CHRM5: variants seen among roughly 807,000 people sequenced by gnomAD.
CHRM5 encodes the protein cholinergic receptor muscarinic 5, also known as muscarinic acetylcholine receptor M5.
Under a neutral mutation model 39.0 loss-of-function variants are expected in CHRM5, and 18 were observed. The ratio of observed to expected loss-of-function variants is 0.46; its 90% CI spans 0.32 to 0.68. CHRM5 has a LOEUF of 0.68. CHRM5 is among the 30% of genes least tolerant of loss of function. CHRM5 has a pLI of 0.04. For synonymous variants in CHRM5, 241 were observed against 246.3 expected (o/e 0.98, Z 0.20); for missense variants, 515 against 651.1 (o/e 0.79, Z 2.28).
At position 34,044,658 on chromosome 15, in the gene CHRM5, C is replaced by T. The variant is rs191520898; in HGVS notation, c.-407-1882C>T. Reference sequence around the variant, plus strand: ...AACAGAAGGGGACCCACCTAGCCAACCCCATAGCCTGTGGCAGGAGTCGAC... The same window carrying T: ...AACAGAAGGGGACCCACCTAGCCAATCCCATAGCCTGTGGCAGGAGTCGAC... On this transcript the variant is annotated intron_variant, in intron 1 of 2. Transcript: ENST00000383263. Among the ~76,000 whole-genome samples the T allele has an allele frequency of 3.5e-3, 539 of 152,324 alleles. 5 individuals are homozygous for T. Among genetic ancestry groups the T allele is most frequent in the African/African-American group, 0.012 (503 of 41,562 alleles).
chr15:33,981,549 T>C (rs956284549), intron 1 of CHRM5, among the ~76,000 whole-genome samples: 5 of 152,188 alleles, frequency 3.3e-5, no homozygotes, highest in African/African-American at 1.2e-4. Context: ...GCTCATTTTC[T>C]ATACAATACA....
At chr15:34,062,554 C>CAAA (rs10632153) in intron 2 of CHRM5, 89 bp from the exon 3 acceptor site, 48,525 of 396,998 alleles carry the variant, frequency 0.12, 356 homozygotes, top group Non-Finnish European at 0.14. Context: ...GATTCTGTCT[C>CAAA]AAAAAAAAAA....
chr15:34,031,168 A>ATTTTTTTTTTTTTT (rs34414446), intron 1 of CHRM5, among the ~76,000 whole-genome samples: 4 of 67,598 alleles, frequency 5.9e-5, no homozygotes, highest in African/African-American at 6.0e-5. Context: ...GCTTAGGTTA[A>ATTTTTTTTTTTTTT]TTTTTTTTTT....
At chr15:33,985,931 T>C (rs1896427992) in intron 1 of CHRM5, among the ~76,000 whole-genome samples, 2 of 152,188 alleles carry the variant, frequency 1.3e-5, no homozygotes, top group Non-Finnish European at 2.9e-5. Context: ...AAGGGCAGAA[T>C]GCCAGAAAGC....
rs200355232 is a variant in CHRM5 at position 34,008,483 on chromosome 15, C to CTT, written c.-407-38035_-407-38034dup. Among the ~76,000 whole-genome samples, 232 of 119,202 alleles carry CTT rather than the reference C, an allele frequency of 1.9e-3. 1 individual carries two copies. Among genetic ancestry groups the CTT allele is most frequent in the African/African-American group, 8.0e-3 (183 of 22,916 alleles). The allele number at this position is 119,202 out of a possible 152,430, so 78.2% of individuals were successfully genotyped here. A position where few individuals can be genotyped will look rare whatever the true frequency, so the allele number is the denominator to read the frequency against. ...AAACTTCCCAAAGTTGATGAAAAAC[C>CTT]TTTTTTTTTTTTTTTTTTTTTTTGA... On this transcript the variant is annotated intron_variant, in intron 1 of 2. Coordinates refer to ENST00000383263, the MANE Select transcript of CHRM5 (RefSeq NM_012125.4).
At chr15:34,025,939 C>T (rs1898448981) in intron 1 of CHRM5, among the ~76,000 whole-genome samples, 1 of 152,164 alleles carries the variant, frequency 6.6e-6, no homozygotes, top group Non-Finnish European at 1.5e-5. Flanking sequence ...TTTTTATGTG[C>T]AGTCTTGCCT....
intron 1 of CHRM5, among the ~76,000 whole-genome samples, chr15:34,022,518 T>C (rs1398517381): frequency 2.0e-5 from 3 of 152,136 alleles, no homozygotes; most frequent in Non-Finnish European, 4.4e-5. Flanking sequence ...CAGAACAAAA[T>C]GCAAATCCCA....
At chr15:33,987,952 A>C (rs1282228497) in intron 1 of CHRM5, among the ~76,000 whole-genome samples, 2 of 152,196 alleles carry the variant, frequency 1.3e-5, no homozygotes, top group Non-Finnish European at 2.9e-5. Flanking sequence ...GTGACTGTCT[A>C]CACAAGGAGG....
intron 1 of CHRM5, among the ~76,000 whole-genome samples, chr15:33,971,714 AT>A (rs1295990496): frequency 6.6e-6 from 1 of 152,026 alleles, no homozygotes; most frequent in Non-Finnish European, 1.5e-5. Context: ...TTCATAAGGA[AT>A]TTTTTTCATT....
At chr15:34,007,507 A>G (rs1897407980) in intron 1 of CHRM5, among the ~76,000 whole-genome samples, 1 of 152,168 alleles carries the variant, frequency 6.6e-6, no homozygotes, top group Non-Finnish European at 1.5e-5. Flanking sequence ...AGACCTACCC[A>G]GAGTCGCCTT....
chr15:33,984,901 T>C (rs909714368), intron 1 of CHRM5, among the ~76,000 whole-genome samples: 1 of 152,154 alleles, frequency 6.6e-6, no homozygotes, highest in African/African-American at 2.4e-5. Context: ...TGCCATGTCC[T>C]GTGTCATACA....
At chr15:34,049,780 G>A (rs1899865897) in intron 2 of CHRM5, among the ~76,000 whole-genome samples, 1 of 151,978 alleles carries the variant, frequency 6.6e-6, no homozygotes. Flanking sequence ...AGGGCAGCCA[G>A]AGAGAAGGGC....
At position 33,997,487 on chromosome 15, in the gene CHRM5, C is replaced by T. The variant is rs991754; in HGVS notation, c.-408+28337C>T. On this transcript the variant is annotated intron_variant, in intron 1 of 2. Coordinates refer to ENST00000383263, the MANE Select transcript of CHRM5 (RefSeq NM_012125.4). ...CCACACCAACTCACAGCCAGGCACACCCGTATTTTTATATAAGACTATATC... is the reference window on the plus strand; with the variant it reads ...CCACACCAACTCACAGCCAGGCACATCCGTATTTTTATATAAGACTATATC... Among the ~76,000 whole-genome samples, 1,403 of 152,234 alleles carry T rather than the reference C, an allele frequency of 9.2e-3. 29 individuals are homozygous for T. The highest frequency in any genetic ancestry group is 0.032 in the African/African-American group (1,346 of 41,530).
intron 1 of CHRM5, among the ~76,000 whole-genome samples, chr15:34,000,391 C>T (rs1243136106): frequency 6.6e-6 from 1 of 152,114 alleles, no homozygotes; most frequent in East Asian, 1.9e-4. Flanking sequence ...CACTAGATAC[C>T]ATTCAATCAA....
At chr15:34,001,551 A>C (rs1897138842) in intron 1 of CHRM5, among the ~76,000 whole-genome samples, 1 of 152,200 alleles carries the variant, frequency 6.6e-6, no homozygotes, top group Non-Finnish European at 1.5e-5. Context: ...CCTTGAAGAA[A>C]AGTGCTTATA....
chr15:34,014,668 A>G (rs1468942852), intron 1 of CHRM5, among the ~76,000 whole-genome samples: 4 of 152,216 alleles, frequency 2.6e-5, no homozygotes, highest in Admixed American at 6.5e-5. Context: ...TGGGCATCCC[A>G]AAACAAACAA....
At chr15:34,035,242 A>C (rs948011414) in intron 1 of CHRM5, among the ~76,000 whole-genome samples, 16 of 152,190 alleles carry the variant, frequency 1.1e-4, no homozygotes, top group Admixed American at 5.2e-4. Flanking sequence ...CTTTTATTGA[A>C]TATAAATCAT....
At chr15:33,973,625 TGAGGCCAGGAGTTC>T (rs1175001719) in intron 1 of CHRM5, among the ~76,000 whole-genome samples, 1 of 152,166 alleles carries the variant, frequency 6.6e-6, no homozygotes, top group African/African-American at 2.4e-5. Flanking sequence ...GAGGATCGCT[TGAGGCCAGGAGTTC>T]GAGACCCACC....
chr15:34,036,549 A>G (rs751262176), intron 1 of CHRM5, among the ~76,000 whole-genome samples: 11 of 152,192 alleles, frequency 7.2e-5, no homozygotes, highest in Non-Finnish European at 1.3e-4. Context: ...GTAATGGTTA[A>G]GCACCAAAAA....
Sources: allele counts gnomAD v4.1 joint callset (sites outside exome capture counted in the v4.1 genomes callset), GRCh38; gene constraint gnomAD v4.1.1; transcripts MANE v1.5; gene names NCBI Gene and HGNC (gene_info 2026-07-23, HGNC 2026-07-21).